The following RABGAP1 variants were observed in gnomAD, a reference collection of about 807,000 sequenced individuals.
RABGAP1 encodes RAB GTPase activating protein 1.
A neutral mutation model predicts 137.6 loss-of-function variants in RABGAP1; 23 were observed. The observed-to-expected ratio is 0.17, with a 90% CI of 0.12 to 0.24. The LOEUF (loss-of-function observed/expected upper bound fraction) is 0.24. Among genes scored for constraint, RABGAP1 ranks in the 10% least tolerant of loss-of-function variants. The pLI is 1.00. For missense variants in RABGAP1, 906 were observed against 1,275.8 expected, an observed-to-expected ratio of 0.71 and a Z score of 4.42; for synonymous variants, 451 against 450.7, an observed-to-expected ratio of 1.00 and a Z score of -0.01.
At chr9:122,982,906 A>G (rs993159333) in intron 2 of RABGAP1, among the ~76,000 whole-genome samples, 7 of 152,020 alleles carry the variant, frequency 4.6e-5, no homozygotes, top group African/African-American at 7.2e-5. Context: ...GTTTTGCTCT[A>G]TCACCCAGGC....
At chr9:123,006,649 C>A (rs2131857845) in intron 10 of RABGAP1, among the ~76,000 whole-genome samples, 1 of 152,122 alleles carries the variant, frequency 6.6e-6, no homozygotes, top group South Asian at 2.1e-4. Flanking sequence ...CTCTGTCAAC[C>A]CAGGCTAGAG....
intron 1 of RABGAP1, among the ~76,000 whole-genome samples, chr9:122,948,976 G>A (rs571935550): frequency 6.6e-6 from 1 of 152,242 alleles, no homozygotes; most frequent in Non-Finnish European, 1.5e-5. Context: ...TCCACAAGTA[G>A]TTTGGGGGAC....
Position 123,103,375 on chromosome 9 carries a change from G to A in RABGAP1, c.*162G>A, listed in dbSNP as rs1436978659. The stretch of plus-strand genomic sequence containing the variant: ...CACTGGACCAGAGCTTGTGAAGCAG[G>A]CAACCTCTGGGGTAAGACTACTGAT... On this transcript the variant is annotated 3_prime_UTR_variant, in exon 26 of 26. Coordinates refer to ENST00000373647, the MANE Select transcript of RABGAP1 (RefSeq NM_012197.4). 3 of 1,102,976 alleles carry A rather than the reference G, an allele frequency of 2.7e-6. No homozygotes were observed. The highest frequency in any genetic ancestry group is 1.6e-5 in the South Asian group (1 of 64,022). The allele number at this position is 1,102,976 out of a possible 1,614,324, so 68.3% of individuals were successfully genotyped here. A position where few individuals can be genotyped will look rare whatever the true frequency, so the allele number is the denominator to read the frequency against.
chr9:123,020,239 G>A (rs2031537897), intron 12 of RABGAP1, 70 bp from the exon 13 acceptor site: 2 of 1,291,546 alleles, frequency 1.5e-6, no homozygotes, highest in African/African-American at 1.5e-5. Flanking sequence ...AATTGACTTT[G>A]ATAAAAGTAA....
intron 17 of RABGAP1, among the ~76,000 whole-genome samples, chr9:123,074,764 C>T (rs2034461395): frequency 6.6e-6 from 1 of 152,208 alleles, no homozygotes; most frequent in Admixed American, 6.5e-5. Flanking sequence ...AGTAGCGTGC[C>T]TTCCCCTCAC....
intron 13 of RABGAP1, among the ~76,000 whole-genome samples, chr9:123,044,427 T>C (rs2033106934): frequency 6.6e-6 from 1 of 152,238 alleles, no homozygotes; most frequent in African/African-American, 2.4e-5. Flanking sequence ...ATATTGTCCC[T>C]CTTTTCCAAT....
rs143251176 is a variant in RABGAP1, at chr9:123,070,103, G to T, written c.1909-247G>T. ...AAGGAAATACGAAGTTTTTTTTAGC[G>T]CAGAAGTGGTTTTTCCTTAATCTTC... On this transcript the variant is annotated intron_variant, in intron 14 of 25. Transcript: ENST00000373647. The surrounding 1 kb of genome is among the most constrained non-coding windows in gnomAD (Gnocchi z 4.4). Among the ~76,000 whole-genome samples, 101 of 152,230 alleles carry T rather than the reference G, an allele frequency of 6.6e-4. No individual in the cohort carries two copies. Among genetic ancestry groups the T allele is most frequent in the Non-Finnish European group, 1.2e-3 (84 of 68,012 alleles).
At chr9:123,084,305 G>C (rs1393376713) in intron 19 of RABGAP1, among the ~76,000 whole-genome samples, 1 of 152,194 alleles carries the variant, frequency 6.6e-6, no homozygotes, top group Non-Finnish European at 1.5e-5. Context: ...CAGGAAGATA[G>C]ACTTGTGTCA....
chr9:123,047,360 A>G (rs890581761), intron 13 of RABGAP1, among the ~76,000 whole-genome samples: 1 of 152,194 alleles, frequency 6.6e-6, no homozygotes, highest in Non-Finnish European at 1.5e-5. Flanking sequence ...ATAAAATGGA[A>G]GATCATAAGT....
At chr9:122,934,081 CT>C in the RABGAP1 span, among the ~76,000 whole-genome samples, 205 of 139,578 alleles carry the variant, frequency 1.5e-3, no homozygotes, top group Middle Eastern at 0.022. Context: ...CTTTTCTTTT[CT>C]TTTTTTTTTT....
chr9:123,042,658 A>G, intron 13 of RABGAP1, among the ~76,000 whole-genome samples: 1 of 152,198 alleles, frequency 6.6e-6, no homozygotes, highest in East Asian at 1.9e-4. Flanking sequence ...AGGCAGAGAG[A>G]CAGAAAATAG....
intron 13 of RABGAP1, among the ~76,000 whole-genome samples, chr9:123,048,581 A>G (rs1174490428): frequency 6.6e-6 from 1 of 152,254 alleles, no homozygotes; most frequent in East Asian, 1.9e-4. Context: ...AGCATTTGAT[A>G]TGCAGTTTAC....
At chr9:122,959,968 A>AT (rs1834763494) in intron 2 of RABGAP1, among the ~76,000 whole-genome samples, 1 of 152,190 alleles carries the variant, frequency 6.6e-6, no homozygotes, top group Admixed American at 6.5e-5. Flanking sequence ...TGTCTCAGAG[A>AT]TTTTACCTTC....
chr9:122,998,109 T>C (rs891845216), intron 9 of RABGAP1, among the ~76,000 whole-genome samples: 1 of 152,050 alleles, frequency 6.6e-6, no homozygotes, highest in African/African-American at 2.4e-5. Flanking sequence ...TATTTATTTA[T>C]TTATTTTTGA....
chr9:122,940,466 AC>A (rs1458507250), upstream of RABGAP1: 1 of 152,198 alleles, frequency 6.6e-6, no homozygotes, highest in Non-Finnish European at 1.5e-5. Context: ...AAGCTAAATT[AC>A]TTTATAAAAG....
chr9:123,076,601 AT>A (rs1564179518), intron 18 of RABGAP1, 32 bp from the exon 19 acceptor site: 2 of 1,569,410 alleles, frequency 1.3e-6, no homozygotes, highest in Admixed American at 2.0e-5. Context: ...ATAGCAACAC[AT>A]TTTTTCTATA....
chr9:122,948,042 AACACACACACACACACACAC>A (rs55683114), intron 1 of RABGAP1, among the ~76,000 whole-genome samples: 4 of 146,046 alleles, frequency 2.7e-5, no homozygotes, highest in Non-Finnish European at 6.0e-5. Context: ...GAGCCAGGAA[AACACACACACACACACACAC>A]ACACACACAC....
intron 1 of RABGAP1, among the ~76,000 whole-genome samples, chr9:122,956,649 CAA>C (rs10661742): frequency 1.6e-5 from 2 of 121,500 alleles, no homozygotes; most frequent in Admixed American, 8.7e-5. Context: ...GACTCCGTCT[CAA>C]AAAAAAAAAA....
At chr9:123,010,223 C>A (rs1393878636) in intron 10 of RABGAP1, 131 bp from the exon 11 acceptor site, 2 of 760,386 alleles carry the variant, frequency 2.6e-6, no homozygotes, top group East Asian at 5.6e-5. Context: ...TTTATTTTCA[C>A]ATCCTGTATG....
Sources: allele counts gnomAD v4.1 joint callset (sites outside exome capture counted in the v4.1 genomes callset), GRCh38; gene constraint gnomAD v4.1.1; non-coding constraint Gnocchi (gnomAD v3.1); transcripts MANE v1.5; gene names NCBI Gene and HGNC (gene_info 2026-07-23, HGNC 2026-07-21).